FGF9: variants seen among roughly 807,000 people sequenced by gnomAD.
FGF9 encodes fibroblast growth factor 9 (glia-activating factor).
FGF9 carries 3 observed loss-of-function variants against 19.9 expected under a neutral mutation model. That is an observed-to-expected ratio of 0.15 (90% CI 0.07 to 0.39). The LOEUF (loss-of-function observed/expected upper bound fraction) is 0.39. Ranked by LOEUF, FGF9 falls within the 10% of genes least tolerant of loss-of-function variation. The pLI is 1.00. For missense variants in FGF9, 175 were observed against 256.8 expected (o/e 0.68, Z 2.18); for synonymous variants, 107 against 106.9 (o/e 1.00, Z -0.01).
chr13:21,681,900 A>G (rs945274789), intron 2 of FGF9, among the ~76,000 whole-genome samples: 1 of 152,188 alleles, frequency 6.6e-6, no homozygotes, highest in Admixed American at 6.5e-5. Context: ...GACTTAATAC[A>G]TTTTTGCTGA....
In FGF9 at chr13:21,703,808, GAAA is replaced by G. The variant is rs1249448539; in HGVS notation, c.*2376_*2378del. On this transcript the variant is annotated 3_prime_UTR_variant, in exon 3 of 3. Coordinates refer to ENST00000382353, the MANE Select transcript of FGF9 (RefSeq NM_002010.3). ...ATCGACCTAAAAGAAAGAAAATTGT[GAAA>G]AAGACAAAAATCTTCATGCATTCCT... 1 of 151,002 alleles carries G rather than the reference GAAA, an allele frequency of 6.6e-6. No individual in the cohort carries two copies. Among genetic ancestry groups the G allele is most frequent in the South Asian group, 2.1e-4 (1 of 4,794 alleles). The allele number at this position is 151,002 out of a possible 1,614,324, so 9.4% of individuals were successfully genotyped here.
chr13:21,675,019 G>A (rs1206223098), intron 1 of FGF9, among the ~76,000 whole-genome samples: 7 of 147,794 alleles, frequency 4.7e-5, no homozygotes. Flanking sequence ...GGATGTGGGG[G>A]CTGGGGGGGA....
intron 1 of FGF9, among the ~76,000 whole-genome samples, chr13:21,679,549 G>T (rs1871989862): frequency 6.6e-6 from 1 of 151,876 alleles, no homozygotes; most frequent in Non-Finnish European, 1.5e-5. Context: ...TTTAAAACAA[G>T]AACTCAATAT....
chr13:21,697,440 C>T (rs1388013149), intron 2 of FGF9, among the ~76,000 whole-genome samples: 2 of 152,102 alleles, frequency 1.3e-5, no homozygotes, highest in African/African-American at 4.8e-5. Context: ...AGCTGCTGTG[C>T]CTGGCCAATG....
rs1872296441 is a variant in FGF9, at chr13:21,691,767, A to G, written c.382-9423A>G. 6.6e-6 allele frequency among the ~76,000 whole-genome samples: 1 copy of G among 152,158 alleles called. No homozygotes were observed. The highest frequency in any genetic ancestry group is 6.5e-5 in the Admixed American group (1 of 15,290). On this transcript the variant is annotated intron_variant, in intron 2 of 2. Coordinates refer to ENST00000382353, the MANE Select transcript of FGF9 (RefSeq NM_002010.3). This position sits in a 1 kb window ranked among gnomAD's most constrained non-coding sequence, Gnocchi z 4.2. The stretch of plus-strand genomic sequence containing the variant: ...GACTGACTTGAACTTGGTCAGAAAC[A>G]TCATTTGTCAGCCGGCTGGCCTGGT...
intron 2 of FGF9, among the ~76,000 whole-genome samples, chr13:21,689,516 G>C (rs2138140768): frequency 6.6e-6 from 1 of 152,062 alleles, no homozygotes; most frequent in South Asian, 2.1e-4. Flanking sequence ...TTCTTGAATA[G>C]GTATTTGAGA....
intron 2 of FGF9, among the ~76,000 whole-genome samples, chr13:21,695,069 CGTGT>C (rs142262294): frequency 2.1e-5 from 3 of 143,388 alleles, no homozygotes; most frequent in Non-Finnish European, 3.1e-5. Context: ...AAGATGTGTG[CGTGT>C]GTGTGTGTGC....
rs989509658 is a variant in FGF9, at chr13:21,701,693, C to T, written c.*258C>T. On this transcript the variant is annotated 3_prime_UTR_variant, in exon 3 of 3. Coordinates refer to ENST00000382353, the MANE Select transcript of FGF9 (RefSeq NM_002010.3). Reference sequence around the variant, plus strand: ...GAAGAGGAGAGAGAGAGAGACTGAGCGCTAGGAGTGTGTGTATGTGTGTGT... The same window carrying T: ...GAAGAGGAGAGAGAGAGAGACTGAGTGCTAGGAGTGTGTGTATGTGTGTGT... The T allele has an allele frequency of 1.2e-5, 6 of 480,962 alleles. No homozygotes were observed. The highest frequency in any genetic ancestry group is 4.3e-5 in the African/African-American group (2 of 46,872). 29.8% of individuals were successfully genotyped at this position (480,962 alleles called of 1,614,324 possible).
At chr13:21,698,697 T>A (rs567787922) in intron 2 of FGF9, among the ~76,000 whole-genome samples, 2 of 152,296 alleles carry the variant, frequency 1.3e-5, no homozygotes, top group South Asian at 4.1e-4. Context: ...AGAGGAAATA[T>A]AAGCTAGCAC....
At chr13:21,688,814 T>G (rs1320659644) in intron 2 of FGF9, among the ~76,000 whole-genome samples, 1 of 151,740 alleles carries the variant, frequency 6.6e-6, no homozygotes, top group Non-Finnish European at 1.5e-5. Context: ...TTCCTTAGCA[T>G]CTATACTGCT....
Position 21,671,650 on chromosome 13 carries a change from T to C in FGF9, c.-263T>C. ...CTGGGGATCTATCTATAGAGATACA[T>C]AGATATGTTTATCAATATGTCAGTG... On this transcript the variant is annotated 5_prime_UTR_variant, in exon 1 of 3. It removes the in-frame stop codon of an upstream open reading frame in the 5' UTR. Transcript: ENST00000382353. 1.7e-6 allele frequency: 1 copy of C among 603,760 alleles called. No individual in the cohort carries two copies. Among genetic ancestry groups the C allele is most frequent in the South Asian group, 2.0e-5 (1 of 49,810 alleles). 37.4% of individuals were successfully genotyped at this position (603,760 alleles called of 1,614,324 possible).
chr13:21,674,914 A>G (rs1263398727), intron 1 of FGF9, among the ~76,000 whole-genome samples: 2 of 151,350 alleles, frequency 1.3e-5, no homozygotes, highest in African/African-American at 4.8e-5. Context: ...CCGTTAAACA[A>G]AAAGCTAGAC....
At chr13:21,673,828 G>T (rs942825184) in intron 1 of FGF9, among the ~76,000 whole-genome samples, 1 of 150,776 alleles carries the variant, frequency 6.6e-6, no homozygotes, top group Non-Finnish European at 1.5e-5. Context: ...CAGCCCTCCC[G>T]CGCTCGCGGT....
chr13:21,681,120 A>G lies in FGF9; in HGVS notation c.356A>G (p.Asn119Ser). 3.1e-6 allele frequency: 5 copies of G among 1,613,650 alleles called. No individual in the cohort carries two copies. The highest frequency in any genetic ancestry group is 4.2e-6 in the Non-Finnish European group (5 of 1,179,592). ...GACAGTGGACTCTACCTCGGGATGA[A>G]TGAGAAGGGGGAGCTGTATGGATCA... is the stretch of plus-strand genomic sequence containing the variant. ...GVDSGLYLGM[N>S]EKGELYGSEK... Residue 119 changes from asparagine to serine, a missense_variant, in exon 2 of 3, where the codon AAT becomes AGT. By Grantham distance (46) the Asn-to-Ser change is conservative. Transcript: ENST00000382353.
At chr13:21,679,810 C>T (rs939602665) in intron 1 of FGF9, among the ~76,000 whole-genome samples, 2 of 151,178 alleles carry the variant, frequency 1.3e-5, no homozygotes, top group Admixed American at 6.6e-5. Flanking sequence ...AAAATTTAGC[C>T]CAGCGTGGTG....
At chr13:21,693,454 T>A (rs1872338239) in intron 2 of FGF9, among the ~76,000 whole-genome samples, 1 of 152,144 alleles carries the variant, frequency 6.6e-6, no homozygotes, top group South Asian at 2.1e-4. Flanking sequence ...AAATATCATA[T>A]AGTGCCCAGG....
chr13:21,687,322 A>G (rs1218668900), intron 2 of FGF9, among the ~76,000 whole-genome samples: 1 of 152,166 alleles, frequency 6.6e-6, no homozygotes, highest in Admixed American at 6.5e-5. Context: ...ACAATGAAGT[A>G]CCTCAGATCC....
chr13:21,691,882 G>A lies in FGF9; in HGVS notation c.382-9308G>A, dbSNP rs553485878. On this transcript the variant is annotated intron_variant, in intron 2 of 2. Coordinates refer to ENST00000382353, the MANE Select transcript of FGF9 (RefSeq NM_002010.3). This position sits in a 1 kb window ranked among gnomAD's most constrained non-coding sequence, Gnocchi z 4.2. ...AGAGGGCTTCCCCCGAGGACTAAAA[G>A]GTTATGGTGCTAAGTGTGAGAGCCA... Among the ~76,000 whole-genome samples, 2 of 152,304 alleles carry A rather than the reference G, an allele frequency of 1.3e-5. No individual in the cohort carries two copies. The highest frequency in any genetic ancestry group is 4.8e-5 in the African/African-American group (2 of 41,568).
At position 21,671,835 on chromosome 13, in the gene FGF9, G is replaced by A. The variant is rs1401903201; in HGVS notation, c.-78G>A. On this transcript the variant is annotated 5_prime_UTR_variant, in exon 1 of 3. Transcript: ENST00000382353. ...CAACTGCAGTAAGGGAGGGGAGTTG[G>A]ATATACCTCGCCTAATATCTCCTGG... is the stretch of plus-strand genomic sequence containing the variant. 1.4e-5 allele frequency: 22 copies of A among 1,541,964 alleles called. 1 individual carries two copies. The South Asian group carries it at 2.5e-4, about 17-fold the overall frequency.
Sources: gnomAD v4.1 joint callset for allele counts (sites outside exome capture counted in the v4.1 genomes callset) on GRCh38, gnomAD v4.1.1 for gene constraint, Gnocchi (gnomAD v3.1) non-coding constraint, MANE v1.5 for transcripts, NCBI Gene and HGNC (gene_info 2026-07-23, HGNC 2026-07-21) for gene names.